OCA2: variants seen among roughly 807,000 people sequenced by gnomAD.
OCA2 encodes OCA2 melanosomal transmembrane protein, also known as P protein.
OCA2 carries 77 observed loss-of-function variants against 100.2 expected under a neutral mutation model. The observed-to-expected ratio is 0.77, with a 90% CI of 0.64 to 0.93. The LOEUF is 0.93. Among genes scored for constraint, OCA2 ranks in the 40% least tolerant of loss-of-function variants. The pLI, the probability that OCA2 is intolerant of heterozygous loss-of-function variation, is 0.00. For missense variants in OCA2, 1,062 were observed against 1,089.1 expected, an observed-to-expected ratio of 0.98 and a Z score of 0.35; for synonymous variants, 432 against 439.2, an observed-to-expected ratio of 0.98 and a Z score of 0.21.
intron 23 of OCA2, among the ~76,000 whole-genome samples, chr15:27,821,621 T>TGTGTGCACACTTGCACACAA (rs564322543): frequency 2.7e-5 from 4 of 146,564 alleles, no homozygotes; most frequent in African/African-American, 5.0e-5. Context: ...TACACATACA[T>TGTGTGCACACTTGCACACAA]GTGTGCACAC....
chr15:27,967,948 T>C (rs1444188023), intron 14 of OCA2, among the ~76,000 whole-genome samples: 2 of 152,342 alleles, frequency 1.3e-5, no homozygotes, highest in African/African-American at 2.4e-5. Context: ...GGTTCTGTTC[T>C]TTCACTGACG....
chr15:27,876,033 G>A (rs2036776026), intron 19 of OCA2, among the ~76,000 whole-genome samples: 2 of 151,900 alleles, frequency 1.3e-5, no homozygotes. Flanking sequence ...CATATTACAA[G>A]AACTAGGCCC....
At chr15:28,093,267 C>G (rs778299549) in intron 1 of OCA2, among the ~76,000 whole-genome samples, 4 of 151,942 alleles carry the variant, frequency 2.6e-5, no homozygotes, top group Admixed American at 1.3e-4. Flanking sequence ...ACTAAAAATA[C>G]AAAAATTAGC....
At chr15:27,989,157 C>G (rs755997069) in intron 11 of OCA2, among the ~76,000 whole-genome samples, 3 of 152,150 alleles carry the variant, frequency 2.0e-5, no homozygotes, top group Non-Finnish European at 2.9e-5. Flanking sequence ...TGCAGGTGGA[C>G]TTGGTGGCAT....
chr15:28,007,131 C>T (rs2042111893), intron 9 of OCA2, among the ~76,000 whole-genome samples: 3 of 152,316 alleles, frequency 2.0e-5, no homozygotes, highest in Admixed American at 2.0e-4. Flanking sequence ...AAAGAAAGGG[C>T]TCGCTTGTTT....
chr15:28,083,295 C>T (rs1422586360), intron 1 of OCA2, among the ~76,000 whole-genome samples: 1 of 152,190 alleles, frequency 6.6e-6, no homozygotes, highest in African/African-American at 2.4e-5. Flanking sequence ...GGAGCCAGAA[C>T]TTACTTCAAA....
intron 18 of OCA2, among the ~76,000 whole-genome samples, chr15:27,936,131 C>G (rs2039442587): frequency 6.6e-6 from 1 of 152,230 alleles, no homozygotes; most frequent in African/African-American, 2.4e-5. Flanking sequence ...TAATCAAGGA[C>G]TTTCTGTTGC....
chr15:27,854,918 G>A (rs1179171249), intron 21 of OCA2, among the ~76,000 whole-genome samples: 1 of 152,180 alleles, frequency 6.6e-6, no homozygotes, highest in Non-Finnish European at 1.5e-5. Flanking sequence ...ATCAAGGGAG[G>A]AGGCAATGTC....
At chr15:27,792,815 G>A (rs996951194) in intron 23 of OCA2, among the ~76,000 whole-genome samples, 5 of 152,172 alleles carry the variant, frequency 3.3e-5, no homozygotes, top group Non-Finnish European at 5.9e-5. Flanking sequence ...GCTGAGTTCC[G>A]TCGACTTGAG....
intron 2 of OCA2, among the ~76,000 whole-genome samples, chr15:28,040,661 C>T (rs994695515): frequency 6.6e-6 from 1 of 151,930 alleles, no homozygotes; most frequent in African/African-American, 2.4e-5. Flanking sequence ...ACATGACTAC[C>T]AATTTTTAAA....
At chr15:27,873,335 G>A (rs113228069) in intron 19 of OCA2, among the ~76,000 whole-genome samples, 29 of 152,322 alleles carry the variant, frequency 1.9e-4, no homozygotes, top group African/African-American at 7.0e-4. Context: ...TGTCCTCTGG[G>A]GGAGTAAAAT....
chr15:27,926,588 G>A (rs2039051714), intron 18 of OCA2, among the ~76,000 whole-genome samples: 1 of 151,958 alleles, frequency 6.6e-6, no homozygotes, highest in Non-Finnish European at 1.5e-5. Context: ...ATAAATGCAG[G>A]TTTTCTGTAA....
intron 1 of OCA2, among the ~76,000 whole-genome samples, chr15:28,096,347 T>A (rs925990291): frequency 6.6e-6 from 1 of 152,186 alleles, no homozygotes; most frequent in African/African-American, 2.4e-5. Context: ...AGGTGGTCTG[T>A]CTGTGTCGGG....
At chr15:27,932,819 G>C (rs1396354104) in intron 18 of OCA2, among the ~76,000 whole-genome samples, 1 of 152,120 alleles carries the variant, frequency 6.6e-6, no homozygotes, top group East Asian at 1.9e-4. Flanking sequence ...TTCAAAAATA[G>C]TTTGGAAATG....
At chr15:27,966,653 G>A in intron 15 of OCA2, 37 bp downstream of exon 15, 1 of 1,611,732 alleles carries the variant, frequency 6.2e-7, no homozygotes, top group Non-Finnish European at 8.5e-7. Context: ...TTATGGTCAT[G>A]AAATCTGAGC....
chr15:27,740,394 A>T, the OCA2 span, among the ~76,000 whole-genome samples: 92 of 152,222 alleles, frequency 6.0e-4, no homozygotes, highest in Admixed American at 2.2e-3. Flanking sequence ...CGGGAGCCAC[A>T]GGCTGCAGCC....
chr15:27,772,625 G>C (rs1331183829), intron 23 of OCA2, among the ~76,000 whole-genome samples: 1 of 151,962 alleles, frequency 6.6e-6, no homozygotes, highest in Non-Finnish European at 1.5e-5. Flanking sequence ...GGTAGATCAC[G>C]AGGTCAAGAG....
At chr15:27,779,728 T>C (rs1456960977) in intron 23 of OCA2, among the ~76,000 whole-genome samples, 1 of 152,228 alleles carries the variant, frequency 6.6e-6, no homozygotes, top group African/African-American at 2.4e-5. Context: ...CCACTTTATG[T>C]CTTTTGATTG....
chr15:27,914,157 G>A (rs112855194), intron 19 of OCA2, among the ~76,000 whole-genome samples: 2,593 of 152,134 alleles, frequency 0.017, 75 homozygotes, highest in African/African-American at 0.059. Context: ...CGCCATAGAT[G>A]CAGAACAGGC....
Sources: gnomAD v4.1 joint callset for allele counts (sites outside exome capture counted in the v4.1 genomes callset) on GRCh38, gnomAD v4.1.1 for gene constraint, MANE v1.5 for transcripts, NCBI Gene and HGNC (gene_info 2026-07-23, HGNC 2026-07-21) for gene names.